Variants in ZKSCAN3 observed in about 807,000 individuals in gnomAD.
The protein encoded by ZKSCAN3 is zinc finger with KRAB and SCAN domains 3, also known as zinc finger protein with KRAB and SCAN domains 3.
In ZKSCAN3, 21 loss-of-function variants were observed where a neutral mutation model predicts 30.7. That is an observed-to-expected ratio of 0.68 (90% CI 0.49 to 0.99). The LOEUF (loss-of-function observed/expected upper bound fraction) is 0.99, where lower values mean the gene tolerates loss of function less well. Ranked by LOEUF, ZKSCAN3 falls within the 50% of genes least tolerant of loss-of-function variation. The pLI is 0.00. For missense variants in ZKSCAN3, 507 were observed against 647.1 expected, an observed-to-expected ratio of 0.78 and a Z score of 2.35; for synonymous variants, 201 against 246.7, an observed-to-expected ratio of 0.81 and a Z score of 1.73.
intron 1 of ZKSCAN3, among the ~76,000 whole-genome samples, chr6:28,350,769 G>A (rs1657746215): frequency 6.6e-6 from 1 of 152,068 alleles, no homozygotes; most frequent in Non-Finnish European, 1.5e-5. Context: ...CTATATTTTA[G>A]GAGGGAAAAA....
chr6:28,359,124 C>A (rs1376770755), intron 1 of ZKSCAN3, among the ~76,000 whole-genome samples: 1 of 152,034 alleles, frequency 6.6e-6, no homozygotes, highest in East Asian at 1.9e-4. Flanking sequence ...TCAGTCTGGA[C>A]TTGCTATCTC....
In ZKSCAN3 at chr6:28,352,008, AGTT is replaced by A. The variant is rs140346413; in HGVS notation, c.-63+1948_-63+1950del. Among the ~76,000 whole-genome samples the A allele has an allele frequency of 9.8e-3, 1,477 of 151,056 alleles. 14 individuals are homozygous for A. Among genetic ancestry groups the A allele is most frequent in the Admixed American group, 0.015 (234 of 15,156 alleles). On this transcript the variant is annotated intron_variant, in intron 1 of 5. Coordinates refer to ENST00000252211, the MANE Select transcript of ZKSCAN3 (RefSeq NM_024493.4). ...TTTTTTTTTTTTACAGTCTTTTTAC[AGTT>A]GTTGTTTTCAGTGGGGTCCGAATAT...
In ZKSCAN3 at chr6:28,359,728, C is replaced by T. The variant is rs374346539; in HGVS notation, c.142C>T (p.Arg48Cys). 2.5e-6 allele frequency: 4 copies of T among 1,614,104 alleles called. No individual in the cohort carries two copies. The highest frequency in any genetic ancestry group is 3.4e-6 in the Non-Finnish European group (4 of 1,180,030). ...TCTGGGTTCTGAGGGCTCCCGCGAG[C>T]GCTTCCGAGGCTTCCGCTACCCGGA... ...PDLGSEGSRERFRGFRYPEAA... is the reference protein window; with the variant it reads ...PDLGSEGSRECFRGFRYPEAA... The change falls in exon 2 of 6, where the codon CGC becomes TGC. Residue 48 changes from arginine to cysteine, a missense_variant. Physicochemically the swap from Arg to Cys is radical, Grantham distance 180. Coordinates refer to ENST00000252211, the MANE Select transcript of ZKSCAN3 (RefSeq NM_024493.4).
intron 5 of ZKSCAN3, among the ~76,000 whole-genome samples, chr6:28,364,363 C>T (rs1765878323): frequency 2.0e-5 from 3 of 152,170 alleles, no homozygotes; most frequent in Non-Finnish European, 4.4e-5. Flanking sequence ...GATACAACCC[C>T]GAGTACAGGT....
chr6:28,366,392 C>T lies in ZKSCAN3; in HGVS notation c.*107C>T. ...GTGGGCTGGGCTTTATTTACCACTA[C>T]ACATTATCAGGTGTTAGAAAATGTA... On this transcript the variant is annotated 3_prime_UTR_variant, in exon 6 of 6. Coordinates refer to ENST00000252211, the MANE Select transcript of ZKSCAN3 (RefSeq NM_024493.4). 8.1e-7 allele frequency: 1 copy of T among 1,236,740 alleles called. No individual in the cohort carries two copies. The highest frequency in any genetic ancestry group is 1.5e-5 in the African/African-American group (1 of 66,584). The allele number at this position is 1,236,740 out of a possible 1,614,324, so 76.6% of individuals were successfully genotyped here.
At position 28,366,436 on chromosome 6, in the gene ZKSCAN3, A is replaced by G; in HGVS notation, c.*151A>G. The stretch of plus-strand genomic sequence containing the variant: ...AAATGTAGACTGGGTTAGACAAATT[A>G]TCTTCTAAGTTCTAGAAGGGGTTTG... On this transcript the variant is annotated 3_prime_UTR_variant, in exon 6 of 6. Coordinates refer to ENST00000252211, the MANE Select transcript of ZKSCAN3 (RefSeq NM_024493.4). The G allele has an allele frequency of 2.4e-6, 2 of 845,332 alleles. No individual in the cohort carries two copies. The highest frequency in any genetic ancestry group is 3.4e-6 in the Non-Finnish European group (2 of 590,584). The allele number at this position is 845,332 out of a possible 1,614,324, so 52.4% of individuals were successfully genotyped here.
chr6:28,357,089 G>A (rs1158652865), intron 1 of ZKSCAN3, among the ~76,000 whole-genome samples: 1 of 152,192 alleles, frequency 6.6e-6, no homozygotes, highest in Non-Finnish European at 1.5e-5. Flanking sequence ...ACAAACAGTA[G>A]TATCTTAGAG....
At chr6:28,354,555 A>G (rs1232222174) in intron 1 of ZKSCAN3, among the ~76,000 whole-genome samples, 2 of 152,176 alleles carry the variant, frequency 1.3e-5, no homozygotes, top group Admixed American at 6.5e-5. Flanking sequence ...ACACAGGCCC[A>G]ATGTATACAT....
In ZKSCAN3 at chr6:28,366,329, C is replaced by T; in HGVS notation, c.*44C>T. On this transcript the variant is annotated 3_prime_UTR_variant, in exon 6 of 6. Coordinates refer to ENST00000252211, the MANE Select transcript of ZKSCAN3 (RefSeq NM_024493.4). ...GAGTTGGTGCTCATTTGTCACTGAT[C>T]TGAAGCCACTCCCCCTGGAGTCTCA... is the stretch of plus-strand genomic sequence containing the variant. The T allele has an allele frequency of 6.7e-7, 1 of 1,492,124 alleles. No individual in the cohort carries two copies. The highest frequency in any genetic ancestry group is 8.9e-7 in the Non-Finnish European group (1 of 1,124,348). The allele number at this position is 1,492,124 out of a possible 1,614,324, so 92.4% of individuals were successfully genotyped here.
At chr6:28,359,115 C>T (rs1765619239) in intron 1 of ZKSCAN3, among the ~76,000 whole-genome samples, 1 of 152,026 alleles carries the variant, frequency 6.6e-6, no homozygotes, top group Non-Finnish European at 1.5e-5. Context: ...TCAGTCCAGT[C>T]AGTCTGGACT....
chr6:28,354,248 A>G (rs1765271881), intron 1 of ZKSCAN3: 5 of 285,306 alleles, frequency 1.8e-5, no homozygotes, highest in South Asian at 1.7e-4. Flanking sequence ...TTTACAGACA[A>G]TAGTGGCTGT....
rs1195223486 is a variant in ZKSCAN3 at position 28,364,473 on chromosome 6, G to A, written c.757+658G>A. ...GGCCTCTTCAGGAAATGGGCCTTGG[G>A]ACCATAGAGTGTGAGAGAAGTGTCC... is the stretch of plus-strand genomic sequence containing the variant. On this transcript the variant is annotated intron_variant, in intron 5 of 5. Coordinates refer to ENST00000252211, the MANE Select transcript of ZKSCAN3 (RefSeq NM_024493.4). Among the ~76,000 whole-genome samples the A allele has an allele frequency of 2.0e-5, 3 of 152,202 alleles. No individual in the cohort carries two copies. In the East Asian group the frequency reaches 5.8e-4, roughly 29 times the overall value.
intron 5 of ZKSCAN3, among the ~76,000 whole-genome samples, 193 bp downstream of exon 5, chr6:28,364,008 C>T (rs1184270996): frequency 6.6e-6 from 1 of 152,090 alleles, no homozygotes; most frequent in Non-Finnish European, 1.5e-5. Flanking sequence ...CTTGCTCAGT[C>T]ACTCAGGATA....
Position 28,361,369 on chromosome 6 carries a change from GCACTATTGACACCAGCCCCAGGGT to G in ZKSCAN3, c.452_475del (p.Leu151_Ser158del), listed in dbSNP as rs760715359. Reference sequence around the variant, plus strand: ...GCAAGAACTGCTCTGTTGCAAGATGGCACTATTGACACCAGCCCCAGGGTCACAAAGTAGCCAATTTCAGCTAAT... The same window carrying G: ...GCAAGAACTGCTCTGTTGCAAGATGGCACAAAGTAGCCAATTTCAGCTAAT... On this transcript the variant is annotated inframe_deletion, in exon 3 of 6. Transcript: ENST00000252211. 2.5e-6 allele frequency: 4 copies of G among 1,613,928 alleles called. No homozygotes were observed. Among genetic ancestry groups the G allele is most frequent in the Non-Finnish European group, 3.4e-6 (4 of 1,179,958 alleles).
chr6:28,368,288 T>A lies in ZKSCAN3; in HGVS notation c.*2003T>A, dbSNP rs1029522318. 1 of 152,172 alleles carries A rather than the reference T, an allele frequency of 6.6e-6. No individual in the cohort carries two copies. The highest frequency in any genetic ancestry group is 1.5e-5 in the Non-Finnish European group (1 of 68,032). 9.4% of individuals were successfully genotyped at this position (152,172 alleles called of 1,614,324 possible). ...CGTGAGCCACCGCGCCCGGCCCAAG[T>A]ATCACTTATGGTTTCAGAACGCCAT... On this transcript the variant is annotated 3_prime_UTR_variant, in exon 6 of 6. Coordinates refer to ENST00000252211, the MANE Select transcript of ZKSCAN3 (RefSeq NM_024493.4).
At chr6:28,363,459 C>T in intron 4 of ZKSCAN3, 74 bp downstream of exon 4, 7 of 1,433,386 alleles carry the variant, frequency 4.9e-6, no homozygotes, top group Non-Finnish European at 6.8e-6. Flanking sequence ...CCTCACTCCC[C>T]ATTCCCCTCC....
rs1765010537 is a variant in ZKSCAN3, at chr6:28,351,483, T to C, written c.-63+1416T>C. Among the ~76,000 whole-genome samples the C allele has an allele frequency of 1.3e-5, 2 of 152,206 alleles. No individual in the cohort carries two copies. The highest frequency in any genetic ancestry group is 4.1e-4 in the South Asian group (2 of 4,830). On this transcript the variant is annotated intron_variant, in intron 1 of 5. Transcript: ENST00000252211. This position sits in a 1 kb window ranked among gnomAD's most constrained non-coding sequence, Gnocchi z 4.6. Reference sequence around the variant, plus strand: ...GGACATTGTTTAATTTTCTAAAATTTTGGAGAGAAATTTAAACACATTTAA... The same window carrying C: ...GGACATTGTTTAATTTTCTAAAATTCTGGAGAGAAATTTAAACACATTTAA...
chr6:28,369,077 G>T lies in ZKSCAN3; in HGVS notation c.*2792G>T. Reference sequence around the variant, plus strand: ...GTTTTTATGCTAGTTTCCAAGGCTTGGTCCTTCAAGGTTTTCAGGGATCTA... The same window carrying T: ...GTTTTTATGCTAGTTTCCAAGGCTTTGTCCTTCAAGGTTTTCAGGGATCTA... On this transcript the variant is annotated 3_prime_UTR_variant, in exon 6 of 6. Coordinates refer to ENST00000252211, the MANE Select transcript of ZKSCAN3 (RefSeq NM_024493.4). The surrounding 1 kb of genome is among the most constrained non-coding windows in gnomAD (Gnocchi z 4.1). 6.6e-6 allele frequency: 1 copy of T among 151,994 alleles called. No homozygotes were observed. Among genetic ancestry groups the T allele is most frequent in the South Asian group, 2.1e-4 (1 of 4,820 alleles). 9.4% of individuals were successfully genotyped at this position (151,994 alleles called of 1,614,324 possible). A position where few individuals can be genotyped will look rare whatever the true frequency, so the allele number is the denominator to read the frequency against.
At chr6:28,361,685 G>C (rs1765775302) in intron 3 of ZKSCAN3, among the ~76,000 whole-genome samples, 1 of 151,924 alleles carries the variant, frequency 6.6e-6, no homozygotes, top group Admixed American at 6.6e-5. Flanking sequence ...TAAAACTTAG[G>C]TTTGGAAAGA....
Sources: allele counts gnomAD v4.1 joint callset (sites outside exome capture counted in the v4.1 genomes callset), GRCh38; gene constraint gnomAD v4.1.1; non-coding constraint Gnocchi (gnomAD v3.1); transcripts MANE v1.5; gene names NCBI Gene and HGNC (gene_info 2026-07-23, HGNC 2026-07-21).